The following TTLL11 variants were observed in gnomAD, a reference collection of about 807,000 sequenced individuals.
TTLL11 encodes tubulin polyglutamylase TTLL11.
TTLL11 carries 42 observed loss-of-function variants against 51.7 expected under a neutral mutation model. The ratio of observed to expected loss-of-function variants is 0.81; its 90% CI spans 0.64 to 1.05. The LOEUF (loss-of-function observed/expected upper bound fraction) is 1.05. Ranked by LOEUF, TTLL11 falls within the 50% of genes least tolerant of loss-of-function variation. The pLI, the probability that TTLL11 is intolerant of heterozygous loss-of-function variation, is 0.00. For synonymous variants in TTLL11, 381 were observed against 383.5 expected, an observed-to-expected ratio of 0.99 and a Z score of 0.08; for missense variants, 799 against 940.4, an observed-to-expected ratio of 0.85 and a Z score of 1.97.
intron 6 of TTLL11, among the ~76,000 whole-genome samples, chr9:121,896,056 CTGTG>C (rs1176602444): frequency 6.4e-5 from 9 of 141,556 alleles, no homozygotes; most frequent in Non-Finnish European, 1.1e-4. Flanking sequence ...ATTTGTGTGG[CTGTG>C]TGTCATTGTA....
rs1842239031 is a variant in TTLL11, at chr9:121,961,908, T to C, written c.1481+12101A>G. On this transcript the variant is annotated intron_variant, in intron 6 of 8. Transcript: ENST00000321582. ...CCGTCTCTACTAAAAATACAAAAAT[T>C]AGCCAGGCGTGGTGGTGGGTGCCTG... is the stretch of plus-strand genomic sequence containing the variant. 2.0e-5 allele frequency among the ~76,000 whole-genome samples: 3 copies of C among 151,806 alleles called. No individual in the cohort carries two copies. The South Asian group carries it at 6.2e-4, about 32-fold the overall frequency.
chr9:121,871,489 C>T (rs1431436628), intron 6 of TTLL11, among the ~76,000 whole-genome samples: 1 of 152,166 alleles, frequency 6.6e-6, no homozygotes, highest in Non-Finnish European at 1.5e-5. Flanking sequence ...GCCGACTCCT[C>T]CTCAGCTAGT....
intron 6 of TTLL11, among the ~76,000 whole-genome samples, chr9:121,915,982 CACACACAT>C (rs1253694008): frequency 0.019 from 1,495 of 80,224 alleles, 18 homozygotes; most frequent in African/African-American, 0.056. Context: ...TAGACAAAGA[CACACACAT>C]ACACACACAC....
intron 6 of TTLL11, among the ~76,000 whole-genome samples, chr9:121,927,384 T>C (rs1840775390): frequency 6.6e-6 from 1 of 152,236 alleles, no homozygotes; most frequent in African/African-American, 2.4e-5. Context: ...GAATTTGATC[T>C]TCATGGTTAC....
Position 121,826,486 on chromosome 9 carries a change from T to C in TTLL11, c.1841-3607A>G, listed in dbSNP as rs1283041684. On this transcript the variant is annotated intron_variant, in intron 8 of 8. Transcript: ENST00000321582. ...ATGTGTGTATATATATATATGTATATATATATATGTGTGTGTATATATATA... is the reference window on the plus strand; with the variant it reads ...ATGTGTGTATATATATATATGTATACATATATATGTGTGTGTATATATATA... Among the ~76,000 whole-genome samples the C allele has an allele frequency of 1.1e-3, 83 of 72,584 alleles. 2 individuals are homozygous for C. The highest frequency in any genetic ancestry group is 4.9e-3 in the African/African-American group (80 of 16,242). The allele number at this position is 72,584 out of a possible 152,430, so 47.6% of individuals were successfully genotyped here. A position where few individuals can be genotyped will look rare whatever the true frequency, so the allele number is the denominator to read the frequency against.
chr9:121,912,068 T>C (rs1045539773), intron 6 of TTLL11, among the ~76,000 whole-genome samples: 8 of 152,206 alleles, frequency 5.3e-5, no homozygotes, highest in African/African-American at 1.7e-4. Context: ...GGCCTGGGCA[T>C]TCCAAGCTGA....
intron 6 of TTLL11, among the ~76,000 whole-genome samples, chr9:121,929,052 A>T (rs940486059): frequency 3.3e-5 from 5 of 152,336 alleles, no homozygotes; most frequent in Middle Eastern, 3.4e-3. Flanking sequence ...TTTTACGTAG[A>T]TCATGTAGTT....
chr9:121,982,428 AT>A (rs1316067113), intron 4 of TTLL11, among the ~76,000 whole-genome samples: 1 of 152,140 alleles, frequency 6.6e-6, no homozygotes, highest in African/African-American at 2.4e-5. Flanking sequence ...AGAATAAGTC[AT>A]TTTTGGGCTG....
chr9:122,052,563 C>T (rs972568482), intron 1 of TTLL11, among the ~76,000 whole-genome samples: 1 of 152,228 alleles, frequency 6.6e-6, no homozygotes. Context: ...CTGGTTTCTT[C>T]TTCTCTTCCA....
At chr9:122,059,969 A>G (rs1845398807) in intron 1 of TTLL11, among the ~76,000 whole-genome samples, 1 of 152,170 alleles carries the variant, frequency 6.6e-6, no homozygotes, top group Non-Finnish European at 1.5e-5. Flanking sequence ...TGACCCCCAT[A>G]GGTAATTGAT....
chr9:122,012,080 T>A (rs1843807667), intron 3 of TTLL11, among the ~76,000 whole-genome samples: 2 of 152,188 alleles, frequency 1.3e-5, no homozygotes, highest in African/African-American at 4.8e-5. Context: ...AAGATACAAT[T>A]ACACAGAAAA....
At chr9:121,998,169 G>A (rs1843340045) in intron 3 of TTLL11, among the ~76,000 whole-genome samples, 1 of 152,112 alleles carries the variant, frequency 6.6e-6, no homozygotes, top group African/African-American at 2.4e-5. Context: ...AGTCACAGGC[G>A]CTTCAGATCA....
At chr9:121,908,188 C>G (rs1481318566) in intron 6 of TTLL11, among the ~76,000 whole-genome samples, 1 of 152,200 alleles carries the variant, frequency 6.6e-6, no homozygotes, top group Non-Finnish European at 1.5e-5. Context: ...CATTGGGTGA[C>G]TCAGATTCCA....
At chr9:121,865,868 G>A (rs376492912) in intron 7 of TTLL11, among the ~76,000 whole-genome samples, 292 of 152,284 alleles carry the variant, frequency 1.9e-3, no homozygotes, top group African/African-American at 6.8e-3. Context: ...TTATTTCTTG[G>A]TGAAAAAGAA....
intron 3 of TTLL11, among the ~76,000 whole-genome samples, chr9:122,023,298 T>G (rs1006498399): frequency 3.9e-5 from 6 of 152,036 alleles, no homozygotes; most frequent in East Asian, 1.9e-4. Context: ...GAAATTGAAT[T>G]TGTAGTTAAA....
chr9:121,929,178 A>G (rs1840865218), intron 6 of TTLL11, among the ~76,000 whole-genome samples: 1 of 152,146 alleles, frequency 6.6e-6, no homozygotes, highest in African/African-American at 2.4e-5. Context: ...GCGGTGGCTT[A>G]TGCCTGTAAT....
intron 4 of TTLL11, among the ~76,000 whole-genome samples, chr9:121,981,865 T>TGG (rs551524774): frequency 2.6e-4 from 40 of 152,326 alleles, no homozygotes; most frequent in Middle Eastern, 3.4e-3. Context: ...TTCACTCTGT[T>TGG]CGGGGCTCAA....
At chr9:121,882,993 T>C (rs1329856684) in intron 6 of TTLL11, among the ~76,000 whole-genome samples, 2 of 152,190 alleles carry the variant, frequency 1.3e-5, no homozygotes, top group African/African-American at 4.8e-5. Context: ...AAAAAACACA[T>C]GCTGATACAT....
At chr9:121,858,766 A>T (rs1207918687) in intron 8 of TTLL11, among the ~76,000 whole-genome samples, 1 of 152,176 alleles carries the variant, frequency 6.6e-6, no homozygotes, top group African/African-American at 2.4e-5. Flanking sequence ...GAGAGCAGGG[A>T]TTGTTGGCGC....
Sources: gnomAD v4.1 joint callset for allele counts (sites outside exome capture counted in the v4.1 genomes callset) on GRCh38, gnomAD v4.1.1 for gene constraint, MANE v1.5 for transcripts, NCBI Gene and HGNC (gene_info 2026-07-23, HGNC 2026-07-21) for gene names.